Variants in ASXL1 observed in about 807,000 individuals in gnomAD.
ASXL1 encodes the protein ASXL transcriptional regulator 1, also known as polycomb group protein ASXL1.
ASXL1 carries 65 observed loss-of-function variants against 89.1 expected under a neutral mutation model. The observed-to-expected ratio is 0.73, with a 90% CI of 0.60 to 0.90. The LOEUF is 0.90. Ranked by LOEUF, ASXL1 falls within the 40% of genes least tolerant of loss-of-function variation. The probability of loss-of-function intolerance (pLI) is 0.00; values close to 1 mark genes in which losing one functional copy is unlikely to be tolerated. For synonymous variants in ASXL1, 739 were observed against 746.9 expected (o/e 0.99, Z 0.17); for missense variants, 1,786 against 1,942.9 (o/e 0.92, Z 1.52).
chr20:32,375,670 G>GT (rs1179730324), intron 4 of ASXL1, among the ~76,000 whole-genome samples: 21 of 149,332 alleles, frequency 1.4e-4, no homozygotes, highest in Middle Eastern at 3.2e-3. Context: ...TAAGTAGTTT[G>GT]TTTTTTTTGT....
chr20:32,424,648 G>A (rs1412683325), intron 4 of ASXL1, among the ~76,000 whole-genome samples: 1 of 152,150 alleles, frequency 6.6e-6, no homozygotes, highest in Non-Finnish European at 1.5e-5. Context: ...TTTTAAAAAA[G>A]ATGATAGAAT....
chr20:32,387,747 A>T (rs2048603725), intron 4 of ASXL1, among the ~76,000 whole-genome samples: 1 of 152,110 alleles, frequency 6.6e-6, no homozygotes, highest in African/African-American at 2.4e-5. Context: ...TTTCTCTGTC[A>T]TTGATGACTT....
chr20:32,362,641 A>AAAAC (rs368417349), intron 1 of ASXL1, among the ~76,000 whole-genome samples: 166 of 152,384 alleles, frequency 1.1e-3, no homozygotes, highest in African/African-American at 3.7e-3. Context: ...CTCTGTCTCA[A>AAAAC]AAACAAACAA....
chr20:32,436,591 TC>T lies in ASXL1; in HGVS notation c.3880del (p.Gln1294ArgfsTer156), dbSNP rs1456260010. On this transcript the variant is annotated frameshift_variant, in exon 13 of 13. Coordinates refer to ENST00000375687, the MANE Select transcript of ASXL1 (RefSeq NM_015338.6). LOFTEE classifies it high-confidence loss of function. ...PEQTGRALGDQSNVTGQGKKL... is the reference protein window; with the variant it reads ...PEQTGRALGDXSNVTGQGKKL... Reference sequence around the variant, plus strand: ...AGCAGACAGGTCGGGCCCTGGGTGATCAGAGCAATGTTACAGGCCAAGGGAA... The same window carrying T: ...AGCAGACAGGTCGGGCCCTGGGTGATAGAGCAATGTTACAGGCCAAGGGAA... 1 of 1,614,164 alleles carries T rather than the reference TC, an allele frequency of 6.2e-7. No homozygotes were observed. Among genetic ancestry groups the T allele is most frequent in the Non-Finnish European group, 8.5e-7 (1 of 1,180,036 alleles).
In ASXL1 at chr20:32,431,408, A is replaced by G; in HGVS notation, c.806A>G (p.Asn269Ser). 6.2e-7 allele frequency: 1 copy of G among 1,613,900 alleles called. No individual in the cohort carries two copies. ...AACACCAACCTCCGTGCCCTGATCA[A>G]CTCTCGGACCTTCCATGCCTTACCA... ...LVNTNLRALI[N>S]SRTFHALPSH... Residue 269 changes from asparagine (N) to serine (S), a missense_variant, in exon 9 of 13, where the codon AAC becomes AGC. By Grantham distance (46) the Asn-to-Ser change is conservative (BLOSUM62 1). Around this residue, in one of 3 missense-constraint regions of ASXL1, gnomAD observed 332 missense variants for 449.7 expected, o/e 0.74. Coordinates refer to ENST00000375687, the MANE Select transcript of ASXL1 (RefSeq NM_015338.6).
chr20:32,390,406 G>C (rs541673973), intron 4 of ASXL1, among the ~76,000 whole-genome samples: 1 of 152,002 alleles, frequency 6.6e-6, no homozygotes, highest in Admixed American at 6.5e-5. Context: ...ACCTTTTTTT[G>C]TGTATAGTCT....
intron 4 of ASXL1, among the ~76,000 whole-genome samples, chr20:32,375,800 G>A (rs1436309715): frequency 6.6e-6 from 1 of 151,802 alleles, no homozygotes; most frequent in Non-Finnish European, 1.5e-5. Context: ...TTGTGCCTCA[G>A]CTTCCTAAAT....
At chr20:32,430,292 G>A (rs2011476969) in intron 8 of ASXL1, 2 of 571,898 alleles carry the variant, frequency 3.5e-6, no homozygotes, top group South Asian at 2.5e-5. Flanking sequence ...GTCCCTGTAG[G>A]CCTAGTCTAT....
chr20:32,434,201 G>T, intron 12 of ASXL1: 1 of 696,412 alleles, frequency 1.4e-6, no homozygotes, highest in Non-Finnish European at 2.4e-6. Context: ...GACTCACACA[G>T]TCCCACCAGA....
intron 1 of ASXL1, among the ~76,000 whole-genome samples, chr20:32,361,051 A>G (rs1320445118): frequency 6.6e-6 from 1 of 151,492 alleles, no homozygotes; most frequent in Non-Finnish European, 1.5e-5. Flanking sequence ...CCAGCCTATG[A>G]GTAGGAATTA....
At chr20:32,416,920 T>G (rs1360304107) in intron 4 of ASXL1, among the ~76,000 whole-genome samples, 2 of 152,242 alleles carry the variant, frequency 1.3e-5, no homozygotes, top group African/African-American at 4.8e-5. Flanking sequence ...CTGTAATTCC[T>G]TGTGTTTAAT....
Position 32,435,515 on chromosome 20 carries a change from C to G in ASXL1, c.2803C>G (p.Pro935Ala). 6.2e-7 allele frequency: 1 copy of G among 1,614,026 alleles called. No individual in the cohort carries two copies. ...TGGAGAGGAGTGGGAGAAAGCTGCT[C>G]CCACCCCTCCTGCATTGCCTGGGGA... ...QVGEEWEKAA[P>A]TPPALPGDLT... is the part of the protein sequence containing the mutation. The change falls in exon 13 of 13, where the codon CCC becomes GCC. Residue 935 changes from proline to alanine, a missense_variant. Around this residue, in one of 3 missense-constraint regions of ASXL1, gnomAD observed 1,418 missense variants for 1,427.8 expected, o/e 0.99. Coordinates refer to ENST00000375687, the MANE Select transcript of ASXL1 (RefSeq NM_015338.6).
chr20:32,364,021 G>A (rs191464068), intron 1 of ASXL1, among the ~76,000 whole-genome samples: 13 of 152,252 alleles, frequency 8.5e-5, no homozygotes, highest in Non-Finnish European at 1.5e-4. Flanking sequence ...CCAACAACTC[G>A]AGAGGAAGAC....
chr20:32,381,608 G>A (rs1444699105), intron 4 of ASXL1, among the ~76,000 whole-genome samples: 1 of 147,948 alleles, frequency 6.8e-6, no homozygotes, highest in Non-Finnish European at 1.5e-5. Flanking sequence ...TCCGCCTCCC[G>A]GGTTCACACC....
At position 32,434,780 on chromosome 20, in the gene ASXL1, G is replaced by A. The variant is rs2011694115; in HGVS notation, c.2068G>A (p.Asp690Asn). The A allele has an allele frequency of 6.2e-7, 1 of 1,613,826 alleles. No homozygotes were observed. Among genetic ancestry groups the A allele is most frequent in the Non-Finnish European group, 8.5e-7 (1 of 1,180,042 alleles). ...GPSTPGKCTS[D>N]LQRTQLLPPY... The stretch of plus-strand genomic sequence containing the variant: ...GAGCACCCCTGGAAAGTGTACGTCA[G>A]ATCTACAGCGAACACAACTACTGCC... The change falls in exon 13 of 13, where the codon GAT (aspartate) becomes AAT (asparagine). Residue 690 changes from aspartate to asparagine, a missense_variant. Asp to Asn is a conservative substitution (Grantham distance 23). Transcript: ENST00000375687.
chr20:32,404,660 G>A (rs2048925906), intron 4 of ASXL1, among the ~76,000 whole-genome samples: 1 of 152,070 alleles, frequency 6.6e-6, no homozygotes, highest in African/African-American at 2.4e-5. Flanking sequence ...GACTAGCTGG[G>A]ACTTGTTTGC....
At chr20:32,405,704 C>CT (rs1222390196) in intron 4 of ASXL1, among the ~76,000 whole-genome samples, 1 of 152,082 alleles carries the variant, frequency 6.6e-6, no homozygotes, top group Non-Finnish European at 1.5e-5. Context: ...TTTGTGGAAT[C>CT]TTTTTTAGTT....
intron 4 of ASXL1, among the ~76,000 whole-genome samples, chr20:32,406,302 C>A (rs1188512764): frequency 6.6e-6 from 1 of 151,948 alleles, no homozygotes; most frequent in African/African-American, 2.4e-5. Flanking sequence ...AATCCCAGCA[C>A]TTTGGGAGGC....
chr20:32,383,094 A>C (rs2048517071), intron 4 of ASXL1, among the ~76,000 whole-genome samples: 1 of 152,112 alleles, frequency 6.6e-6, no homozygotes, highest in Admixed American at 6.6e-5. Flanking sequence ...ATTTAGAATA[A>C]AATTTTTTCT....
Sources: allele counts gnomAD v4.1 joint callset (sites outside exome capture counted in the v4.1 genomes callset), GRCh38; gene constraint gnomAD v4.1.1; regional missense constraint gnomAD v4.1.1; transcripts MANE v1.5; gene names NCBI Gene and HGNC (gene_info 2026-07-23, HGNC 2026-07-21).